Variants in FHOD3 observed in about 807,000 individuals in gnomAD.
FHOD3 encodes formin homology 2 domain containing 3.
In FHOD3, 90 loss-of-function variants were observed where a neutral mutation model predicts 173.0. The observed-to-expected ratio is 0.52, with a 90% confidence interval of 0.44 to 0.62. The LOEUF is 0.62. Ranked by LOEUF, FHOD3 falls within the 20% of genes least tolerant of loss-of-function variation. The pLI is 0.00. For missense variants in FHOD3, 1,945 were observed against 2,034.7 expected (o/e 0.96, Z 0.85); for synonymous variants, 828 against 823.0 (o/e 1.01, Z -0.10).
At chr18:36,596,648 G>A (rs990526704) in intron 7 of FHOD3, among the ~76,000 whole-genome samples, 2 of 152,128 alleles carry the variant, frequency 1.3e-5, no homozygotes, top group East Asian at 1.9e-4. Context: ...GATAGATGTC[G>A]GCACTAGGCA....
chr18:36,619,640 T>C (rs180738021), intron 9 of FHOD3, among the ~76,000 whole-genome samples: 48 of 152,348 alleles, frequency 3.2e-4, no homozygotes, highest in East Asian at 1.9e-4. Context: ...CAAAACTTCA[T>C]TGAGCACCTG....
intron 5 of FHOD3, among the ~76,000 whole-genome samples, chr18:36,516,423 C>A (rs984032759): frequency 6.6e-6 from 1 of 152,208 alleles, no homozygotes; most frequent in African/African-American, 2.4e-5. Flanking sequence ...AAGGGACAGG[C>A]AAGCCAGCTG....
chr18:36,382,313 A>G lies in FHOD3; in HGVS notation c.337+9569A>G, dbSNP rs112702751. On this transcript the variant is annotated intron_variant, in intron 3 of 28. Transcript: ENST00000590592. ...TCTTCCTGTCACTGCCCACCAGAGC[A>G]CTTCTGTTCCCGGAACAAAGCTGGG... Among the ~76,000 whole-genome samples, 1,379 of 152,204 alleles carry G rather than the reference A, an allele frequency of 9.1e-3. 22 individuals carry two copies. Among genetic ancestry groups the G allele is most frequent in the African/African-American group, 0.032 (1,318 of 41,506 alleles).
intron 3 of FHOD3, among the ~76,000 whole-genome samples, chr18:36,496,241 C>T (rs2054737573): frequency 6.6e-6 from 1 of 152,216 alleles, no homozygotes; most frequent in African/African-American, 2.4e-5. Flanking sequence ...GGAAGTGCTT[C>T]TCCTTTGGTC....
intron 27 of FHOD3, among the ~76,000 whole-genome samples, chr18:36,762,798 A>AAT (rs370910918): frequency 5.4e-4 from 80 of 147,736 alleles, no homozygotes; most frequent in African/African-American, 1.5e-3. Flanking sequence ...TCTGTCTCAA[A>AAT]ATATATATAT....
At chr18:36,593,769 C>T (rs997393344) in intron 6 of FHOD3, among the ~76,000 whole-genome samples, 1 of 152,212 alleles carries the variant, frequency 6.6e-6, no homozygotes, top group Non-Finnish European at 1.5e-5. Flanking sequence ...TCCCTCTGTG[C>T]CAAGTGCCAT....
chr18:36,580,126 A>T (rs2058793520), intron 6 of FHOD3, among the ~76,000 whole-genome samples: 1 of 152,162 alleles, frequency 6.6e-6, no homozygotes, highest in Non-Finnish European at 1.5e-5. Context: ...ATAAAATTAA[A>T]AAGTTTCAAA....
chr18:36,399,633 T>G (rs1276325961), intron 3 of FHOD3, among the ~76,000 whole-genome samples: 1 of 152,164 alleles, frequency 6.6e-6, no homozygotes, highest in Non-Finnish European at 1.5e-5. Flanking sequence ...CCTTGCTGGT[T>G]TGGCTAGCCT....
chr18:36,553,062 A>C (rs2057727037), intron 5 of FHOD3, among the ~76,000 whole-genome samples: 1 of 152,162 alleles, frequency 6.6e-6, no homozygotes, highest in South Asian at 2.1e-4. Context: ...CCTTTTCTGC[A>C]TCTATTGAGA....
chr18:36,618,292 G>A (rs973786759), intron 9 of FHOD3, among the ~76,000 whole-genome samples: 1 of 138,642 alleles, frequency 7.2e-6, no homozygotes. Flanking sequence ...AATCCATTTG[G>A]TAATGATGTT....
At chr18:36,539,189 C>A (rs2057110311) in intron 5 of FHOD3, among the ~76,000 whole-genome samples, 1 of 152,154 alleles carries the variant, frequency 6.6e-6, no homozygotes, top group Non-Finnish European at 1.5e-5. Context: ...ATATCATAGT[C>A]TTTGTGTTTT....
chr18:36,388,973 G>A lies in FHOD3; in HGVS notation c.337+16229G>A, dbSNP rs59150151. ...AAGCCAGCTCCCTCTGGGGGGCACC[G>A]TGAGCAGGATGGGGGGGCCCTGATA... On this transcript the variant is annotated intron_variant, in intron 3 of 28. Transcript: ENST00000590592. 8.0e-3 allele frequency among the ~76,000 whole-genome samples: 1,218 copies of A among 152,306 alleles called. 10 individuals are homozygous for A. Among genetic ancestry groups the A allele is most frequent in the African/African-American group, 0.019 (802 of 41,568 alleles).
chr18:36,322,022 G>A (rs1317108105), intron 1 of FHOD3, among the ~76,000 whole-genome samples: 2 of 152,208 alleles, frequency 1.3e-5, no homozygotes, highest in South Asian at 2.1e-4. Context: ...TGGGTTTGGA[G>A]TATGAATTTG....
chr18:36,536,171 T>C (rs1196212085), intron 5 of FHOD3, among the ~76,000 whole-genome samples: 1 of 152,258 alleles, frequency 6.6e-6, no homozygotes, highest in Non-Finnish European at 1.5e-5. Flanking sequence ...CAGATTTGGC[T>C]TATGGGCTGT....
chr18:36,616,431 A>G (rs2033206401), intron 9 of FHOD3, among the ~76,000 whole-genome samples: 2 of 152,196 alleles, frequency 1.3e-5, no homozygotes, highest in Non-Finnish European at 2.9e-5. Context: ...CCTCTGCTTC[A>G]GGGCACATTT....
At chr18:36,746,222 G>C (rs1429489577) in intron 23 of FHOD3, among the ~76,000 whole-genome samples, 1 of 152,214 alleles carries the variant, frequency 6.6e-6, no homozygotes, top group African/African-American at 2.4e-5. Flanking sequence ...TTGCATGTGT[G>C]ATGTGCATCT....
chr18:36,628,131 C>T (rs1689918530), intron 10 of FHOD3, among the ~76,000 whole-genome samples: 1 of 152,188 alleles, frequency 6.6e-6, no homozygotes, highest in Admixed American at 6.5e-5. Flanking sequence ...GCAGTCTCCA[C>T]TCAGATGGTC....
intron 27 of FHOD3, among the ~76,000 whole-genome samples, chr18:36,767,954 TA>T (rs200912566): frequency 1.1e-4 from 17 of 150,346 alleles, no homozygotes; most frequent in East Asian, 3.9e-4. Flanking sequence ...CACCAAAACT[TA>T]AAAAAAAAAT....
intron 3 of FHOD3, among the ~76,000 whole-genome samples, chr18:36,382,028 C>T (rs1198994015): frequency 6.6e-6 from 1 of 152,172 alleles, no homozygotes; most frequent in Non-Finnish European, 1.5e-5. Context: ...ACATGCCGGG[C>T]AGGGCTCCAT....
Sources: allele counts gnomAD v4.1 joint callset (sites outside exome capture counted in the v4.1 genomes callset), GRCh38; gene constraint gnomAD v4.1.1; transcripts MANE v1.5; gene names NCBI Gene and HGNC (gene_info 2026-07-23, HGNC 2026-07-21).